INPP4B: variants seen among roughly 807,000 people sequenced by gnomAD.
The protein encoded by INPP4B is inositol polyphosphate 4-phosphatase type II.
In INPP4B, 55 loss-of-function variants were observed where a neutral mutation model predicts 122.5. The ratio of observed to expected loss-of-function variants is 0.45; its 90% CI spans 0.36 to 0.56. The LOEUF is 0.56. INPP4B is among the 20% of genes least tolerant of loss of function. The probability of loss-of-function intolerance (pLI) is 0.00; values close to 1 mark genes in which losing one functional copy is unlikely to be tolerated. For missense variants in INPP4B, 1,000 were observed against 1,097.7 expected (o/e 0.91, Z 1.26); for synonymous variants, 403 against 388.7 (o/e 1.04, Z -0.43).
intron 10 of INPP4B, among the ~76,000 whole-genome samples, chr4:142,265,577 G>T (rs1742333485): frequency 6.6e-6 from 1 of 152,192 alleles, no homozygotes; most frequent in Admixed American, 6.5e-5. Context: ...TAAATATCAT[G>T]CATGTTGGGC....
intron 3 of INPP4B, among the ~76,000 whole-genome samples, chr4:142,455,924 T>A (rs1815316032): frequency 6.6e-6 from 1 of 152,146 alleles, no homozygotes; most frequent in African/African-American, 2.4e-5. Flanking sequence ...TACCTTTTCA[T>A]ATACTTGTTT....
At chr4:142,464,613 G>GA (rs549262670) in intron 2 of INPP4B, among the ~76,000 whole-genome samples, 47,903 of 143,342 alleles carry the variant, frequency 0.33, 9,584 homozygotes, top group East Asian at 0.56. Context: ...TAACTGTTAA[G>GA]AAAAAAAAAA....
intron 2 of INPP4B, among the ~76,000 whole-genome samples, chr4:142,536,755 A>G (rs1182309546): frequency 6.6e-6 from 1 of 152,122 alleles, no homozygotes; most frequent in African/African-American, 2.4e-5. Flanking sequence ...ACTTGACTCT[A>G]AACGGGCAGA....
intron 14 of INPP4B, among the ~76,000 whole-genome samples, chr4:142,207,742 T>C (rs1262559706): frequency 1.3e-5 from 2 of 152,050 alleles, no homozygotes; most frequent in African/African-American, 4.8e-5. Context: ...CATCCTAAAT[T>C]TGCATAATTG....
intron 15 of INPP4B, among the ~76,000 whole-genome samples, chr4:142,177,056 A>G (rs1303352113): frequency 3.3e-5 from 5 of 152,036 alleles, no homozygotes; most frequent in African/African-American, 9.7e-5. Flanking sequence ...ACATTCTTCA[A>G]TCACCATGAT....
At chr4:142,669,534 G>C (rs151048721) in intron 2 of INPP4B, among the ~76,000 whole-genome samples, 1 of 152,086 alleles carries the variant, frequency 6.6e-6, no homozygotes, top group East Asian at 1.9e-4. Flanking sequence ...ACTAATTTTG[G>C]ACAAAGGCAC....
chr4:142,466,288 A>G (rs1400920147), intron 2 of INPP4B, among the ~76,000 whole-genome samples: 2 of 152,198 alleles, frequency 1.3e-5, no homozygotes, highest in Non-Finnish European at 2.9e-5. Flanking sequence ...TGAAAATGGG[A>G]AACTTATTGG....
intron 2 of INPP4B, among the ~76,000 whole-genome samples, chr4:142,637,834 T>C (rs765370320): frequency 1.5e-4 from 23 of 152,200 alleles, no homozygotes; most frequent in Non-Finnish European, 2.8e-4. Context: ...TGAGTTCCTG[T>C]TGCTCCATAT....
intron 2 of INPP4B, among the ~76,000 whole-genome samples, chr4:142,478,108 T>C (rs1294876455): frequency 1.3e-5 from 2 of 152,168 alleles, no homozygotes. Flanking sequence ...CCAATTCTAC[T>C]GATTTGTGTG....
At chr4:142,758,495 A>G (rs1397641639) in intron 1 of INPP4B, among the ~76,000 whole-genome samples, 4 of 152,186 alleles carry the variant, frequency 2.6e-5, no homozygotes, top group African/African-American at 9.6e-5. Flanking sequence ...GGCCCATGAC[A>G]GTATAGAATA....
intron 18 of INPP4B, among the ~76,000 whole-genome samples, chr4:142,127,899 G>T (rs1005147629): frequency 4.6e-5 from 7 of 152,068 alleles, no homozygotes; most frequent in African/African-American, 1.7e-4. Context: ...GTAAATCTCA[G>T]GTTCTGAAAT....
chr4:142,416,509 G>A (rs1805806544), intron 5 of INPP4B, among the ~76,000 whole-genome samples: 1 of 152,040 alleles, frequency 6.6e-6, no homozygotes. Flanking sequence ...GGGCTTAATG[G>A]CTATGTGCTA....
intron 2 of INPP4B, among the ~76,000 whole-genome samples, chr4:142,569,859 C>T (rs561822375): frequency 1.3e-5 from 2 of 152,034 alleles, no homozygotes; most frequent in African/African-American, 4.8e-5. Context: ...ATTAAAAATT[C>T]ATATATTTAA....
intron 23 of INPP4B, among the ~76,000 whole-genome samples, chr4:142,100,450 T>C (rs1377414092): frequency 6.6e-6 from 1 of 152,168 alleles, no homozygotes; most frequent in Non-Finnish European, 1.5e-5. Flanking sequence ...TTTGTCCTTT[T>C]AGCACCTGGG....
intron 2 of INPP4B, among the ~76,000 whole-genome samples, chr4:142,697,895 A>T (rs1305438416): frequency 2.6e-5 from 4 of 152,158 alleles, no homozygotes; most frequent in Non-Finnish European, 5.9e-5. Context: ...ATAATAATAA[A>T]ATCCTTATCA....
chr4:142,569,036 C>A (rs1379807991), intron 2 of INPP4B, among the ~76,000 whole-genome samples: 1 of 151,988 alleles, frequency 6.6e-6, no homozygotes, highest in Non-Finnish European at 1.5e-5. Flanking sequence ...ATAAGATTAA[C>A]AAATTACTTA....
intron 2 of INPP4B, among the ~76,000 whole-genome samples, chr4:142,517,848 G>C (rs981420032): frequency 1.4e-4 from 21 of 152,080 alleles, no homozygotes; most frequent in African/African-American, 4.6e-4. Context: ...TTTCTATATT[G>C]AAAGTACAGA....
intron 2 of INPP4B, among the ~76,000 whole-genome samples, chr4:142,637,694 A>C (rs1439651009): frequency 6.6e-6 from 1 of 152,180 alleles, no homozygotes; most frequent in Non-Finnish European, 1.5e-5. Flanking sequence ...ATAAGTTTTC[A>C]ATTCATTTGG....
intron 25 of INPP4B, among the ~76,000 whole-genome samples, chr4:142,065,958 A>G (rs1382614495): frequency 1.3e-5 from 2 of 152,176 alleles, no homozygotes; most frequent in Non-Finnish European, 2.9e-5. Flanking sequence ...GCTATCTGGA[A>G]GCTATCTGAA....
Sources: allele counts gnomAD v4.1 joint callset (sites outside exome capture counted in the v4.1 genomes callset), GRCh38; gene constraint gnomAD v4.1.1; transcripts MANE v1.5; gene names NCBI Gene and HGNC (gene_info 2026-07-23, HGNC 2026-07-21).